Variants in INPP4B observed in about 807,000 individuals in gnomAD.
INPP4B encodes inositol polyphosphate 4-phosphatase type II.
In INPP4B, 55 loss-of-function variants were observed where a neutral mutation model predicts 122.5. The observed-to-expected ratio is 0.45, with a 90% CI of 0.36 to 0.56. The LOEUF is 0.56. Among genes scored for constraint, INPP4B ranks in the 20% least tolerant of loss-of-function variants. INPP4B has a pLI of 0.00. For missense variants in INPP4B, 1,000 were observed against 1,097.7 expected (o/e 0.91, Z 1.26); for synonymous variants, 403 against 388.7 (o/e 1.04, Z -0.43).
chr4:142,784,705 C>T (rs1390760049), intron 1 of INPP4B, among the ~76,000 whole-genome samples: 1 of 152,016 alleles, frequency 6.6e-6, no homozygotes, highest in Admixed American at 6.6e-5. Context: ...CAGGTCCTCA[C>T]AGTAAAGATC....
chr4:142,278,136 C>T (rs1220444179), intron 9 of INPP4B, among the ~76,000 whole-genome samples: 1 of 151,952 alleles, frequency 6.6e-6, no homozygotes, highest in Non-Finnish European at 1.5e-5. Context: ...TATGCACACT[C>T]TACAGCATTG....
At chr4:142,141,353 T>C (rs980501720) in intron 18 of INPP4B, among the ~76,000 whole-genome samples, 5 of 152,168 alleles carry the variant, frequency 3.3e-5, no homozygotes, top group Non-Finnish European at 7.4e-5. Context: ...TAAGATGACG[T>C]CAAAATCTAA....
At chr4:142,785,493 A>C (rs1480165391) in intron 1 of INPP4B, among the ~76,000 whole-genome samples, 1 of 152,072 alleles carries the variant, frequency 6.6e-6, no homozygotes, top group Admixed American at 6.6e-5. Context: ...TCTAAGAAAG[A>C]ATCAAAAGAA....
At chr4:142,764,479 A>T (rs1157336182) in intron 1 of INPP4B, among the ~76,000 whole-genome samples, 1 of 151,882 alleles carries the variant, frequency 6.6e-6, no homozygotes, top group Non-Finnish European at 1.5e-5. Context: ...AGATACTGTC[A>T]AATAAAAAAA....
At chr4:142,295,006 A>G (rs1212755889) in intron 9 of INPP4B, among the ~76,000 whole-genome samples, 2 of 151,814 alleles carry the variant, frequency 1.3e-5, no homozygotes, top group Non-Finnish European at 2.9e-5. Flanking sequence ...ACATTACCAG[A>G]TAAGAATTTT....
intron 2 of INPP4B, among the ~76,000 whole-genome samples, chr4:142,474,622 C>T (rs1370620700): frequency 1.3e-5 from 2 of 152,148 alleles, no homozygotes; most frequent in Non-Finnish European, 2.9e-5. Context: ...CCCAGGAAAA[C>T]ACCCAGACAG....
At chr4:142,770,836 A>G (rs951633304) in intron 1 of INPP4B, among the ~76,000 whole-genome samples, 1 of 152,150 alleles carries the variant, frequency 6.6e-6, no homozygotes, top group South Asian at 2.1e-4. Context: ...TGTGATGTGC[A>G]TAGAGAGCTA....
At chr4:142,634,230 G>A (rs896715446) in intron 2 of INPP4B, among the ~76,000 whole-genome samples, 1 of 152,086 alleles carries the variant, frequency 6.6e-6, no homozygotes, top group Admixed American at 6.6e-5. Context: ...AGATTTAGAT[G>A]GCTTGGCTGA....
At position 142,397,644 on chromosome 4, in the gene INPP4B, C is replaced by G. The variant is rs554184310; in HGVS notation, c.372+5294G>C. On this transcript the variant is annotated intron_variant, in intron 7 of 25. Coordinates refer to ENST00000262992, the MANE Select transcript of INPP4B (RefSeq NM_001101669.3). Reference sequence around the variant, plus strand: ...CACGAGGTCAGGAGATGAGACCATCCTGGCCAACACGGTGAAACCCCCGTC... The same window carrying G: ...CACGAGGTCAGGAGATGAGACCATCGTGGCCAACACGGTGAAACCCCCGTC... Among the ~76,000 whole-genome samples the G allele has an allele frequency of 5.9e-5, 9 of 151,992 alleles. No homozygotes were observed. In the East Asian group the frequency reaches 1.7e-3, roughly 30 times the overall value.
At chr4:142,628,949 A>G (rs1184020448) in intron 2 of INPP4B, among the ~76,000 whole-genome samples, 1 of 152,154 alleles carries the variant, frequency 6.6e-6, no homozygotes, top group African/African-American at 2.4e-5. Flanking sequence ...TATGTCCATA[A>G]GAAACAAAAT....
At position 142,782,172 on chromosome 4, in the gene INPP4B, C is replaced by G. The variant is rs548372397; in HGVS notation, c.-253-56271G>C. On this transcript the variant is annotated intron_variant, in intron 1 of 25. Transcript: ENST00000262992. ...AACAGTCCCCAGAGTGTGATGTTCC[C>G]CTTCCTGTGTCCATGTGTTCTCATT... Among the ~76,000 whole-genome samples the G allele has an allele frequency of 2.0e-5, 3 of 152,048 alleles. No homozygotes were observed. The South Asian group carries it at 6.3e-4, about 32-fold the overall frequency.
chr4:142,606,688 T>C (rs1741342756), intron 2 of INPP4B, among the ~76,000 whole-genome samples: 1 of 152,078 alleles, frequency 6.6e-6, no homozygotes, highest in Non-Finnish European at 1.5e-5. Flanking sequence ...TGCAACACTC[T>C]GGCCTTGAAA....
At chr4:142,653,186 C>T (rs572784520) in intron 2 of INPP4B, among the ~76,000 whole-genome samples, 5 of 152,272 alleles carry the variant, frequency 3.3e-5, no homozygotes, top group South Asian at 2.1e-4. Context: ...AAAGCTGAAA[C>T]TGGATCCCTT....
chr4:142,638,795 C>T (rs1749736271), intron 2 of INPP4B, among the ~76,000 whole-genome samples: 2 of 152,128 alleles, frequency 1.3e-5, no homozygotes, highest in Non-Finnish European at 2.9e-5. Flanking sequence ...ATCCACCCAC[C>T]TTGGCCTCCC....
At chr4:142,738,617 A>C (rs948772947) in intron 1 of INPP4B, among the ~76,000 whole-genome samples, 33 of 152,184 alleles carry the variant, frequency 2.2e-4, no homozygotes, top group African/African-American at 7.2e-4. Context: ...ATAAAAACAA[A>C]AAAAAAGAAG....
intron 18 of INPP4B, among the ~76,000 whole-genome samples, chr4:142,125,446 T>C (rs1798252569): frequency 6.6e-6 from 1 of 152,178 alleles, no homozygotes; most frequent in South Asian, 2.1e-4. Flanking sequence ...CCTATTTGTC[T>C]AATCTCATCT....
At chr4:142,826,591 T>G (rs1244218433) in intron 1 of INPP4B, among the ~76,000 whole-genome samples, 1 of 152,058 alleles carries the variant, frequency 6.6e-6, no homozygotes, top group Non-Finnish European at 1.5e-5. Context: ...ATTTAAAATT[T>G]TACAATATCT....
At chr4:142,601,004 A>AAT (rs1739770280) in intron 2 of INPP4B, among the ~76,000 whole-genome samples, 2 of 152,028 alleles carry the variant, frequency 1.3e-5, no homozygotes, top group African/African-American at 2.4e-5. Flanking sequence ...AAAAATTCTA[A>AAT]ATATATATAT....
intron 1 of INPP4B, among the ~76,000 whole-genome samples, chr4:142,815,215 GA>G (rs929196427): frequency 1.3e-5 from 2 of 152,064 alleles, no homozygotes; most frequent in African/African-American, 4.8e-5. Flanking sequence ...GAAAATCTGA[GA>G]AACTGTCACA....
Sources: gnomAD v4.1 joint callset for allele counts (sites outside exome capture counted in the v4.1 genomes callset) on GRCh38, gnomAD v4.1.1 for gene constraint, MANE v1.5 for transcripts, NCBI Gene and HGNC (gene_info 2026-07-23, HGNC 2026-07-21) for gene names.